FAM187A: variants seen among roughly 807,000 people sequenced by gnomAD.
The protein encoded by FAM187A is family with sequence similarity 187 member A.
Under a neutral mutation model 6.4 loss-of-function variants are expected in FAM187A, and 4 were observed. That is an observed-to-expected ratio of 0.63 (90% confidence interval 0.31 to 1.44). The LOEUF is 1.44. Among genes scored for constraint, FAM187A ranks in the 40% most tolerant of loss-of-function variants. The pLI is 0.07. For synonymous variants in FAM187A, 221 were observed against 213.4 expected (o/e 1.04, Z -0.31); for missense variants, 463 against 542.2 (o/e 0.85, Z 1.45).
exon 4 of FAM187A, chr17:44,905,073 A>T (rs1470284712): frequency 2.0e-6 from 3 of 1,521,740 alleles, no homozygotes; most frequent in Non-Finnish European, 2.7e-6. Context: ...TCCCCCTAGG[A>T]GCTCTCTTCA....
exon 4 of FAM187A, chr17:44,904,032 A>G: frequency 6.4e-7 from 1 of 1,550,650 alleles, no homozygotes; most frequent in East Asian, 2.4e-5. Flanking sequence ...TGGTTCTACC[A>G]AAAGCACCTA....
exon 4 of FAM187A, chr17:44,905,371 C>G (rs2051639456): frequency 7.8e-6 from 3 of 384,150 alleles, no homozygotes; most frequent in Non-Finnish European, 1.5e-5. Context: ...GTGGTAAACA[C>G]TGATCAGTGT....
At chr17:44,903,738 G>C in exon 4 of FAM187A, 1 of 1,455,252 alleles carries the variant, frequency 6.9e-7, no homozygotes, top group Non-Finnish European at 9.0e-7. Flanking sequence ...TCCTCATCTA[G>C]AGGCTTCCGC....
exon 4 of FAM187A, chr17:44,904,076 G>A (rs1365120211): frequency 6.4e-7 from 1 of 1,550,558 alleles, no homozygotes; most frequent in Non-Finnish European, 8.7e-7. Flanking sequence ...GACGGACTTT[G>A]ATGGGCGGGT....
exon 4 of FAM187A, chr17:44,904,420 C>G (rs1397689963): frequency 1.3e-6 from 2 of 1,542,240 alleles, no homozygotes; most frequent in African/African-American, 1.4e-5. Context: ...ACCTGCAGAG[C>G]CCAGACCTCT....
chr17:44,904,430 T>TC lies in FAM187A; in HGVS notation c.605dup (p.Arg203ThrfsTer31). The TC allele has an allele frequency of 1.3e-6, 2 of 1,540,948 alleles. No homozygotes were observed. The stretch of plus-strand genomic sequence containing the variant: ...CTGCTACCTGCAGAGCCCAGACCTC[T>TC]CCCCACGCTACCTCAAGGCCGTGCC... On this transcript the variant is annotated frameshift_variant, in exon 4 of 4. Transcript: ENST00000331733. LOFTEE classifies it low-confidence loss of function (END_TRUNC).
At chr17:44,904,853 A>C in exon 4 of FAM187A, 3 of 1,550,668 alleles carry the variant, frequency 1.9e-6, no homozygotes, top group Non-Finnish European at 2.6e-6. Context: ...TGACCGGGGC[A>C]TCTACTATTG....
rs1453848416 is a variant in FAM187A, at chr17:44,904,895, C to T, written c.1066C>T (p.Arg356Trp). ...GCAGGGTGTGCTAGTTGCTGGCTTC[C>T]GGCTGGGTGTGACATCTCATGGGCA... is the stretch of plus-strand genomic sequence containing the variant. The change falls in exon 4 of 4, where the codon CGG (arginine) becomes TGG (tryptophan). Residue 356 changes from arginine (R) to tryptophan (W), a missense_variant. By Grantham distance (101) the Arg-to-Trp change is moderately radical. Coordinates refer to ENST00000331733, the Ensembl canonical transcript of FAM187A. 1.8e-5 allele frequency: 28 copies of T among 1,550,422 alleles called. No homozygotes were observed. In the Middle Eastern group the frequency reaches 6.7e-4, roughly 37 times the overall value.
exon 4 of FAM187A, chr17:44,904,450 C>T (rs371579424): frequency 6.0e-5 from 92 of 1,542,596 alleles, no homozygotes; most frequent in East Asian, 3.7e-4. Context: ...ACCTCAAGGC[C>T]GTGCCCGATG....
At chr17:44,905,166 G>T (rs948863701) in exon 4 of FAM187A, 10 of 963,006 alleles carry the variant, frequency 1.0e-5, no homozygotes, top group Non-Finnish European at 1.5e-5. Flanking sequence ...TGGGACAGGT[G>T]GTAGGAACAT....
chr17:44,904,714 G>T, exon 4 of FAM187A: 4 of 1,550,616 alleles, frequency 2.6e-6, no homozygotes, highest in Non-Finnish European at 3.5e-6. Flanking sequence ...CCCGGCCAGA[G>T]CATGCAGTGG....
chr17:44,904,215 AG>A lies in FAM187A; in HGVS notation c.391del (p.Asp131ThrfsTer110), dbSNP rs1188905290. On this transcript the variant is annotated frameshift_variant, in exon 4 of 4. Coordinates refer to ENST00000331733, the Ensembl canonical transcript of FAM187A. LOFTEE classifies it low-confidence loss of function (END_TRUNC). ...GGCCTGTACTTCTGCGGCACCCGCA[AG>A]GGGGACTACTTTTACGCCTACGATG... The A allele has an allele frequency of 6.4e-7, 1 of 1,550,570 alleles. No individual in the cohort carries two copies. The highest frequency in any genetic ancestry group is 2.4e-5 in the East Asian group (1 of 40,922).
exon 4 of FAM187A, chr17:44,904,919 C>T (rs939221468): frequency 3.9e-6 from 6 of 1,550,480 alleles, no homozygotes; most frequent in Admixed American, 2.0e-5. Flanking sequence ...ATCTCATGGG[C>T]ACTACCCAGC....
At chr17:44,905,305 G>A (rs2051638556) in exon 4 of FAM187A, 1 of 541,546 alleles carries the variant, frequency 1.8e-6, no homozygotes, top group Non-Finnish European at 3.4e-6. Context: ...GGGCACATGT[G>A]TTTCCTGACT....
At chr17:44,904,398 T>G (rs748658414) in exon 4 of FAM187A, 1 of 1,542,316 alleles carries the variant, frequency 6.5e-7, no homozygotes, top group South Asian at 1.2e-5. Context: ...CAGTGGCGCA[T>G]CGGCCTCTGC....
chr17:44,905,223 T>C, exon 4 of FAM187A: 1 of 655,552 alleles, frequency 1.5e-6, no homozygotes, highest in East Asian at 2.8e-5. Context: ...TGGGCAGGTC[T>C]GGGACCTGAT....
chr17:44,903,734 T>C (rs1567766349), exon 4 of FAM187A: 2 of 1,453,368 alleles, frequency 1.4e-6, no homozygotes, highest in Admixed American at 2.8e-5. Context: ...CCTTTCCTCA[T>C]CTAGAGGCTT....
chr17:44,904,795 G>T, exon 4 of FAM187A: 1 of 1,550,690 alleles, frequency 6.4e-7, no homozygotes, highest in South Asian at 1.2e-5. Context: ...CCATGAGGGT[G>T]TTCATTGACC....
Position 44,904,329 on chromosome 17 carries a change from A to G in FAM187A, c.500A>G (p.His167Arg), listed in dbSNP as rs1319416668. ...GCAGATGAATACTATGGGCACCTCC[A>G]TGTCTTCACCACCTTCTGGGAATGG... The change falls in exon 4 of 4, where the codon CAT becomes CGT. Residue 167 changes from histidine (H) to arginine (R), a missense_variant. Physicochemically the swap from His to Arg is conservative, Grantham distance 29 (BLOSUM62 0). Coordinates refer to ENST00000331733, the Ensembl canonical transcript of FAM187A. The G allele has an allele frequency of 3.2e-6, 5 of 1,543,286 alleles. No homozygotes were observed. The East Asian group carries it at 1.2e-4, about 38-fold the overall frequency.
Sources: gnomAD v4.1 joint callset for allele counts on GRCh38, gnomAD v4.1.1 for gene constraint, MANE v1.5 for transcripts, NCBI Gene and HGNC (gene_info 2026-07-23, HGNC 2026-07-21) for gene names.